The following RABGAP1L variants were observed in gnomAD, a reference collection of about 807,000 sequenced individuals.
The protein encoded by RABGAP1L is RAB GTPase activating protein 1 like.
Under a neutral mutation model 137.7 loss-of-function variants are expected in RABGAP1L, and 63 were observed. The observed-to-expected ratio is 0.46, with a 90% confidence interval of 0.37 to 0.56. RABGAP1L has a LOEUF of 0.56. Ranked by LOEUF, RABGAP1L falls within the 20% of genes least tolerant of loss-of-function variation. The pLI is 0.00. For synonymous variants in RABGAP1L, 431 were observed against 433.7 expected, an observed-to-expected ratio of 0.99 and a Z score of 0.08; for missense variants, 1,095 against 1,244.0, an observed-to-expected ratio of 0.88 and a Z score of 1.80.
At chr1:174,369,853 T>C (rs1684958811) in intron 11 of RABGAP1L, among the ~76,000 whole-genome samples, 1 of 152,216 alleles carries the variant, frequency 6.6e-6, no homozygotes, top group East Asian at 1.9e-4. Context: ...ATAATTCTTA[T>C]TTACCTAGTA....
intron 19 of RABGAP1L, among the ~76,000 whole-genome samples, chr1:174,872,498 G>A (rs1652365752): frequency 6.6e-6 from 1 of 151,588 alleles, no homozygotes; most frequent in Admixed American, 6.6e-5. Flanking sequence ...ATAGAAACCT[G>A]CTTGGAATAT....
chr1:174,823,734 CAT>C (rs759083927), intron 19 of RABGAP1L, among the ~76,000 whole-genome samples: 10 of 152,184 alleles, frequency 6.6e-5, no homozygotes, highest in Non-Finnish European at 1.2e-4. Context: ...AGAATTGACA[CAT>C]GTTTGAGGTG....
intron 14 of RABGAP1L, among the ~76,000 whole-genome samples, chr1:174,645,092 C>T (rs1345319884): frequency 4.6e-5 from 7 of 151,830 alleles, no homozygotes; most frequent in Admixed American, 6.6e-5. Flanking sequence ...AAAAAAAGTA[C>T]GTGAGATGAT....
At chr1:174,348,873 C>T (rs1168802885) in intron 11 of RABGAP1L, among the ~76,000 whole-genome samples, 9 of 152,226 alleles carry the variant, frequency 5.9e-5, no homozygotes, top group African/African-American at 1.2e-4. Flanking sequence ...TACACAGACA[C>T]GGCAACCATC....
intron 11 of RABGAP1L, among the ~76,000 whole-genome samples, chr1:174,340,816 TTTC>T (rs1213020798): frequency 3.3e-5 from 5 of 152,328 alleles, no homozygotes; most frequent in East Asian, 1.9e-4. Context: ...TCACATGGTA[TTTC>T]TTCTTCTAGA....
intron 19 of RABGAP1L, among the ~76,000 whole-genome samples, chr1:174,858,496 G>T (rs1289069098): frequency 6.6e-6 from 1 of 152,158 alleles, no homozygotes; most frequent in Non-Finnish European, 1.5e-5. Context: ...GCACAGGATA[G>T]CTCCCCACAA....
intron 18 of RABGAP1L, among the ~76,000 whole-genome samples, chr1:174,796,359 A>G (rs542533720): frequency 3.3e-4 from 50 of 152,320 alleles, no homozygotes; most frequent in African/African-American, 1.1e-3. Context: ...AACAATAAAA[A>G]AAGTATTTGG....
intron 11 of RABGAP1L, among the ~76,000 whole-genome samples, chr1:174,316,441 T>G (rs1328650891): frequency 6.6e-6 from 1 of 152,216 alleles, no homozygotes; most frequent in Non-Finnish European, 1.5e-5. Context: ...GTATCTACTT[T>G]AGGGGCAAGC....
chr1:174,383,029 G>T (rs1686317501), intron 12 of RABGAP1L, among the ~76,000 whole-genome samples: 1 of 151,082 alleles, frequency 6.6e-6, no homozygotes, highest in Non-Finnish European at 1.5e-5. Flanking sequence ...TCAGCTGCAG[G>T]TCTGTTGGAA....
chr1:174,515,264 TA>T (rs1407162122), intron 13 of RABGAP1L, among the ~76,000 whole-genome samples: 2 of 152,150 alleles, frequency 1.3e-5, no homozygotes, highest in African/African-American at 4.8e-5. Flanking sequence ...TCATTCAAAA[TA>T]TCCACCACTT....
chr1:174,365,449 T>C (rs766364720), intron 11 of RABGAP1L: 2 of 152,114 alleles, frequency 1.3e-5, no homozygotes, highest in Non-Finnish European at 2.9e-5. Context: ...CAAGTTTACC[T>C]AGGATCCCAG....
Position 174,807,202 on chromosome 1 carries a change from A to T in RABGAP1L, c.2212-4630A>T, listed in dbSNP as rs563341122. Among the ~76,000 whole-genome samples, 3 of 152,344 alleles carry T rather than the reference A, an allele frequency of 2.0e-5. 1 individual carries two copies. Among genetic ancestry groups the T allele is most frequent in the African/African-American group, 7.2e-5 (3 of 41,590 alleles). On this transcript the variant is annotated intron_variant, in intron 18 of 25. Coordinates refer to ENST00000681986, the MANE Select transcript of RABGAP1L (RefSeq NM_001366446.1). ...AGGACTATAAATAATGTAATAAAAT[A>T]TTAATTATGTTTATCTCTGTAGTCA...
chr1:174,364,154 C>T (rs922270949), intron 11 of RABGAP1L, among the ~76,000 whole-genome samples: 1 of 151,198 alleles, frequency 6.6e-6, no homozygotes, highest in African/African-American at 2.4e-5. Context: ...ACAGTGAAGC[C>T]ATCAAGTCTC....
At chr1:174,511,954 T>C (rs1480145797) in intron 13 of RABGAP1L, among the ~76,000 whole-genome samples, 3 of 152,174 alleles carry the variant, frequency 2.0e-5, no homozygotes, top group Non-Finnish European at 2.9e-5. Context: ...TTCTTACATA[T>C]TGTGAAGTGT....
chr1:174,587,198 G>A (rs1219926874), intron 13 of RABGAP1L, among the ~76,000 whole-genome samples: 1 of 146,018 alleles, frequency 6.8e-6, no homozygotes, highest in African/African-American at 2.5e-5. Flanking sequence ...GAATAATGCC[G>A]CAATAAACAT....
intron 18 of RABGAP1L, among the ~76,000 whole-genome samples, chr1:174,765,442 A>G (rs1275400452): frequency 6.6e-6 from 1 of 152,034 alleles, no homozygotes; most frequent in African/African-American, 2.4e-5. Flanking sequence ...TGTAACAGAT[A>G]TATATTTTTT....
intron 13 of RABGAP1L, among the ~76,000 whole-genome samples, chr1:174,626,426 G>T (rs867532988): frequency 6.6e-6 from 1 of 152,068 alleles, no homozygotes; most frequent in Admixed American, 6.6e-5. Flanking sequence ...CTCGAAATAC[G>T]CTTCGTCCTC....
intron 18 of RABGAP1L, among the ~76,000 whole-genome samples, chr1:174,766,441 C>G (rs540412321): frequency 2.6e-5 from 4 of 152,282 alleles, no homozygotes; most frequent in Admixed American, 2.6e-4. Flanking sequence ...AGTCTCTATT[C>G]CCTTATCTGT....
intron 14 of RABGAP1L, among the ~76,000 whole-genome samples, chr1:174,655,464 A>G (rs780743582): frequency 1.3e-5 from 2 of 152,210 alleles, no homozygotes; most frequent in African/African-American, 2.4e-5. Context: ...CAGGAACAAC[A>G]CGGAAAGAAT....
Sources: allele counts gnomAD v4.1 joint callset (sites outside exome capture counted in the v4.1 genomes callset), GRCh38; gene constraint gnomAD v4.1.1; transcripts MANE v1.5; gene names NCBI Gene and HGNC (gene_info 2026-07-23, HGNC 2026-07-21).